Variants in LRFN2 observed in about 807,000 individuals in gnomAD.
The protein encoded by LRFN2 is leucine-rich repeat and fibronectin type-III domain-containing protein 2.
LRFN2 carries 18 observed loss-of-function variants against 37.3 expected under a neutral mutation model. The ratio of observed to expected loss-of-function variants is 0.48; its 90% CI spans 0.33 to 0.72. LRFN2 has a LOEUF of 0.72. Ranked by LOEUF, LRFN2 falls within the 30% of genes least tolerant of loss-of-function variation. The pLI is 0.02. For synonymous variants in LRFN2, 556 were observed against 466.6 expected (o/e 1.19, Z -2.47); for missense variants, 1,006 against 1,060.7 (o/e 0.95, Z 0.72).
intron 1 of LRFN2, among the ~76,000 whole-genome samples, chr6:40,554,962 T>C (rs1336303440): frequency 2.0e-5 from 3 of 152,242 alleles, no homozygotes; most frequent in African/African-American, 4.8e-5. Flanking sequence ...TAATTAGTTA[T>C]AATTATTTAA....
intron 1 of LRFN2, among the ~76,000 whole-genome samples, chr6:40,582,897 C>A (rs930334215): frequency 1.3e-5 from 2 of 152,268 alleles, no homozygotes; most frequent in Non-Finnish European, 2.9e-5. Flanking sequence ...GTCCCGACCT[C>A]CCATCTTGAT....
chr6:40,496,490 T>TC (rs57226248), intron 1 of LRFN2, among the ~76,000 whole-genome samples: 23,610 of 151,916 alleles, frequency 0.16, 3,423 homozygotes, highest in African/African-American at 0.38. Flanking sequence ...GTCAGGAAGC[T>TC]CAGACACCCT....
intron 1 of LRFN2, among the ~76,000 whole-genome samples, chr6:40,448,746 A>G (rs181315482): frequency 1.3e-5 from 2 of 152,306 alleles, no homozygotes; most frequent in African/African-American, 4.8e-5. Context: ...TTCACACCAT[A>G]TACATGTTTC....
rs530029325 is a variant in LRFN2 at position 40,554,567 on chromosome 6, A to G, written c.-19+32374T>C. On this transcript the variant is annotated intron_variant, in intron 1 of 2. Coordinates refer to ENST00000338305, the MANE Select transcript of LRFN2 (RefSeq NM_020737.3). ...TTCTTTTGCTCGCTTCCCAAGAGCA[A>G]TCACGAATGCAATGTAAAGTGGACC... Among the ~76,000 whole-genome samples the G allele has an allele frequency of 3.3e-5, 5 of 152,316 alleles. No individual in the cohort carries two copies. In the South Asian group the frequency reaches 8.3e-4, roughly 25 times the overall value.
intron 1 of LRFN2, among the ~76,000 whole-genome samples, chr6:40,538,905 G>T (rs1766501091): frequency 6.6e-6 from 1 of 152,220 alleles, no homozygotes; most frequent in Admixed American, 6.5e-5. Context: ...ATTAAAAGAT[G>T]ATTTTTTCCA....
intron 1 of LRFN2, among the ~76,000 whole-genome samples, chr6:40,468,571 G>A (rs758554178): frequency 7.2e-5 from 11 of 152,110 alleles, no homozygotes; most frequent in Admixed American, 1.3e-4. Context: ...ATAAAAGTGG[G>A]TTATGTGAAG....
intron 1 of LRFN2, among the ~76,000 whole-genome samples, chr6:40,538,708 G>T (rs1032028098): frequency 1.3e-5 from 2 of 152,178 alleles, no homozygotes; most frequent in East Asian, 1.9e-4. Flanking sequence ...TGTGTCTGAC[G>T]CAGGGCGTCC....
intron 2 of LRFN2, among the ~76,000 whole-genome samples, chr6:40,424,830 C>G (rs1581694794): frequency 1.3e-5 from 2 of 152,208 alleles, no homozygotes; most frequent in Non-Finnish European, 2.9e-5. Flanking sequence ...ACACCTGTCC[C>G]TAACAGCTTC....
intron 1 of LRFN2, among the ~76,000 whole-genome samples, chr6:40,541,366 C>T (rs1766552231): frequency 6.6e-6 from 1 of 152,194 alleles, no homozygotes; most frequent in African/African-American, 2.4e-5. Flanking sequence ...GGACCTTCTG[C>T]ACAAGGCACA....
intron 1 of LRFN2, among the ~76,000 whole-genome samples, chr6:40,450,863 G>T (rs1279460229): frequency 6.6e-6 from 1 of 152,336 alleles, no homozygotes; most frequent in African/African-American, 2.4e-5. Flanking sequence ...GGAGTACAAA[G>T]TTCTTTGAAT....
At chr6:40,576,478 T>TGGCAG in intron 1 of LRFN2, among the ~76,000 whole-genome samples, 1 of 152,314 alleles carries the variant, frequency 6.6e-6, no homozygotes, top group African/African-American at 2.4e-5. Flanking sequence ...CGCAGCAGCA[T>TGGCAG]GGCAGGGCAG....
chr6:40,533,412 CA>C (rs1178723841), intron 1 of LRFN2, among the ~76,000 whole-genome samples: 3 of 150,080 alleles, frequency 2.0e-5, no homozygotes, highest in Non-Finnish European at 3.0e-5. Flanking sequence ...CACACACACA[CA>C]CTTGAAAGAG....
chr6:40,567,076 C>T (rs1164890499), intron 1 of LRFN2, among the ~76,000 whole-genome samples: 1 of 123,430 alleles, frequency 8.1e-6, no homozygotes, highest in Admixed American at 7.7e-5. Context: ...GATGAGGAAA[C>T]AGTTTTAAAG....
intron 1 of LRFN2, among the ~76,000 whole-genome samples, chr6:40,513,848 A>C (rs1765780825): frequency 6.6e-6 from 1 of 152,014 alleles, no homozygotes. Context: ...AACCTTAAAA[A>C]GTGAGTGGGA....
intron 1 of LRFN2, among the ~76,000 whole-genome samples, chr6:40,463,966 T>C (rs1764403385): frequency 6.6e-6 from 1 of 152,176 alleles, no homozygotes; most frequent in Non-Finnish European, 1.5e-5. Context: ...CCTTTCCACC[T>C]TGAACAATGA....
At chr6:40,431,047 A>C (rs1432196641) in intron 2 of LRFN2, among the ~76,000 whole-genome samples, 2 of 152,164 alleles carry the variant, frequency 1.3e-5, no homozygotes, top group East Asian at 3.9e-4. Context: ...AACCTGAAGC[A>C]GGTTCCTGAC....
At chr6:40,399,557 C>T (rs1561838967) in intron 2 of LRFN2, among the ~76,000 whole-genome samples, 1 of 150,828 alleles carries the variant, frequency 6.6e-6, no homozygotes, top group Non-Finnish European at 1.5e-5. Flanking sequence ...TGTGCTTCAG[C>T]CTCCTGAGTA....
At chr6:40,416,703 AC>A (rs1214205741) in intron 2 of LRFN2, among the ~76,000 whole-genome samples, 12 of 152,072 alleles carry the variant, frequency 7.9e-5, no homozygotes, top group Admixed American at 6.6e-4. Flanking sequence ...CTTTGAGGTC[AC>A]CTCGTGACCC....
At chr6:40,412,823 G>A (rs1763002458) in intron 2 of LRFN2, among the ~76,000 whole-genome samples, 1 of 152,198 alleles carries the variant, frequency 6.6e-6, no homozygotes, top group Non-Finnish European at 1.5e-5. Flanking sequence ...AACTGATTTA[G>A]TATGTTAGAA....
Sources: gnomAD v4.1 joint callset for allele counts (sites outside exome capture counted in the v4.1 genomes callset) on GRCh38, gnomAD v4.1.1 for gene constraint, MANE v1.5 for transcripts, NCBI Gene and HGNC (gene_info 2026-07-23, HGNC 2026-07-21) for gene names.